MYCBP2: variants seen among roughly 807,000 people sequenced by gnomAD.
The protein encoded by MYCBP2 is MYC binding protein 2.
Under a neutral mutation model 525.3 loss-of-function variants are expected in MYCBP2, and 120 were observed. The observed-to-expected ratio is 0.23, with a 90% confidence interval of 0.20 to 0.27. MYCBP2 has a LOEUF of 0.27. Ranked by LOEUF, MYCBP2 falls within the 10% of genes least tolerant of loss-of-function variation. MYCBP2 has a pLI of 1.00. For missense variants in MYCBP2, 4,149 were observed against 5,657.1 expected (o/e 0.73, Z 8.55); for synonymous variants, 1,894 against 1,955.8 (o/e 0.97, Z 0.83).
rs780085440 is a variant in MYCBP2 at position 77,097,485 on chromosome 13, C to A, written c.9669G>T (p.Leu3223Phe). ...EKAEVRPRGNLFGEMAQLAVG... is the reference protein window; with the variant it reads ...EKAEVRPRGNFFGEMAQLAVG... ...CTGCCAGCTGGGCCATCTCTCCAAA[C>A]AAATTACCCCTGGGCCTAACTTCTG... The change falls in exon 56 of 83, where the codon TTG becomes TTT. Residue 3223 changes from leucine (L) to phenylalanine (F), a missense_variant. This residue lies in a region of MYCBP2 where 653 missense variants were observed against 744.7 expected (regional missense o/e 0.88). Coordinates refer to ENST00000544440, the MANE Select transcript of MYCBP2 (RefSeq NM_015057.5). 6.2e-7 allele frequency: 1 copy of A among 1,613,336 alleles called. No individual in the cohort carries two copies. The highest frequency in any genetic ancestry group is 1.1e-5 in the South Asian group (1 of 91,054).
chr13:77,098,593 C>T lies in MYCBP2; in HGVS notation c.8561G>A (p.Ser2854Asn). 1 of 1,613,680 alleles carries T rather than the reference C, an allele frequency of 6.2e-7. No individual in the cohort carries two copies. Among genetic ancestry groups the T allele is most frequent in the Non-Finnish European group, 8.5e-7 (1 of 1,179,784 alleles). The change falls in exon 56 of 83, where the codon AGT becomes AAT. Residue 2854 changes from serine (S) to asparagine (N), a missense_variant. Around this residue, in one of 21 missense-constraint regions of MYCBP2, gnomAD observed 653 missense variants for 744.7 expected, o/e 0.88. Coordinates refer to ENST00000544440, the MANE Select transcript of MYCBP2 (RefSeq NM_015057.5). ...AAGCTTTGTCTTAACAGGAGCAGTACTTTTTTGAGGTAGATTTTTATCATG... is the reference window on the plus strand; with the variant it reads ...AAGCTTTGTCTTAACAGGAGCAGTATTTTTTTGAGGTAGATTTTTATCATG... The part of the protein sequence containing the change: ...SPHDKNLPQK[S>N]TAPVKTKLDP...
intron 46 of MYCBP2, among the ~76,000 whole-genome samples, 167 bp downstream of exon 46, chr13:77,155,891 C>T (rs2057158047): frequency 6.6e-6 from 1 of 152,110 alleles, no homozygotes; most frequent in Non-Finnish European, 1.5e-5. Context: ...AACTTGGACA[C>T]TTGGGGACTA....
intron 53 of MYCBP2, among the ~76,000 whole-genome samples, chr13:77,125,863 CA>C (rs1000790705): frequency 1.3e-5 from 2 of 152,112 alleles, no homozygotes; most frequent in Non-Finnish European, 1.5e-5. Context: ...TAGCATGACA[CA>C]CTACATCTTC....
intron 15 of MYCBP2, among the ~76,000 whole-genome samples, chr13:77,245,067 G>A (rs954244188): frequency 4.6e-5 from 7 of 152,126 alleles, no homozygotes; most frequent in African/African-American, 1.7e-4. Flanking sequence ...AACATGTCAC[G>A]CCAGTTACAA....
At chr13:77,064,574 C>T (rs1253159693) in intron 73 of MYCBP2, 41 bp downstream of exon 73, 6 of 1,546,356 alleles carry the variant, frequency 3.9e-6, no homozygotes, top group South Asian at 3.6e-5. Context: ...CGCAATGATA[C>T]ACACCAAATT....
intron 8 of MYCBP2, among the ~76,000 whole-genome samples, chr13:77,264,769 G>C (rs1458257312): frequency 6.6e-6 from 1 of 152,004 alleles, no homozygotes; most frequent in Non-Finnish European, 1.5e-5. Flanking sequence ...ACACGTGTTA[G>C]TGATTGCTAC....
In MYCBP2 at chr13:77,245,309, C is replaced by T. The variant is rs556785056; in HGVS notation, c.2382-1358G>A. 2.2e-4 allele frequency among the ~76,000 whole-genome samples: 33 copies of T among 152,088 alleles called. No homozygotes were observed. In the South Asian group the frequency reaches 3.1e-3, roughly 14 times the overall value. On this transcript the variant is annotated intron_variant, in intron 15 of 82. Transcript: ENST00000544440. ...TACTACAAAGACACATGTACATGTA[C>T]GTTTATTTCATCATTATTCACAATA...
intron 55 of MYCBP2, among the ~76,000 whole-genome samples, chr13:77,101,742 A>G (rs1445426014): frequency 1.3e-5 from 2 of 152,044 alleles, no homozygotes; most frequent in African/African-American, 2.4e-5. Context: ...TTATTTTTCC[A>G]AAACGTATTT....
chr13:77,157,213 G>A (rs2057316306), intron 45 of MYCBP2, among the ~76,000 whole-genome samples: 1 of 152,156 alleles, frequency 6.6e-6, no homozygotes, highest in Non-Finnish European at 1.5e-5. Flanking sequence ...AAGAAGCTGG[G>A]ACTACAGGTG....
intron 73 of MYCBP2, 68 bp downstream of exon 73, chr13:77,064,547 A>G: frequency 2.0e-6 from 3 of 1,471,040 alleles, no homozygotes; most frequent in Non-Finnish European, 2.7e-6. Flanking sequence ...GTTTAAATCT[A>G]TTACTAAAAA....
At chr13:77,049,100 T>C (rs979793842) in intron 82 of MYCBP2, among the ~76,000 whole-genome samples, 7 of 152,248 alleles carry the variant, frequency 4.6e-5, no homozygotes, top group East Asian at 1.9e-4. Flanking sequence ...CATTCAATAA[T>C]TGCCCTTCCT....
chr13:77,219,711 T>C (rs755448454), intron 20 of MYCBP2, among the ~76,000 whole-genome samples: 1 of 152,000 alleles, frequency 6.6e-6, no homozygotes, highest in Non-Finnish European at 1.5e-5. Flanking sequence ...TCTGTTGCAA[T>C]GTACATGGAG....
intron 68 of MYCBP2, chr13:77,076,229 T>C (rs1010295142): frequency 6.6e-6 from 1 of 152,186 alleles, no homozygotes; most frequent in Non-Finnish European, 1.5e-5. Flanking sequence ...AAAGACAAAT[T>C]AGACATGGAC....
chr13:77,098,748 C>G lies in MYCBP2; in HGVS notation c.8406G>C (p.Gly2802=), dbSNP rs369585749. ...CAGCTCTGGAGCTAGAAGGCATCCT[C>G]CCATCAGATTTCAATGTCTGCAAGG... ...HNTLQTLKSD[G]RMPSSSRAES... The change falls in exon 56 of 83, where the codon GGG becomes GGC. Residue 2802 remains glycine (G), a synonymous_variant. Transcript: ENST00000544440. The G allele has an allele frequency of 1.2e-6, 2 of 1,613,464 alleles. No individual in the cohort carries two copies. The highest frequency in any genetic ancestry group is 2.2e-5 in the South Asian group (2 of 91,054).
At chr13:77,284,060 C>G (rs373670146) in intron 3 of MYCBP2, among the ~76,000 whole-genome samples, 1 of 152,008 alleles carries the variant, frequency 6.6e-6, no homozygotes, top group Non-Finnish European at 1.5e-5. Flanking sequence ...GATTACTGAT[C>G]CGCAAAACAC....
intron 52 of MYCBP2, among the ~76,000 whole-genome samples, chr13:77,132,253 C>G (rs2154173953): frequency 6.6e-6 from 1 of 152,090 alleles, no homozygotes; most frequent in South Asian, 2.1e-4. Flanking sequence ...ATCAGGAAAT[C>G]TGGGGTATGT....
chr13:77,313,926 A>T (rs1316067265), intron 1 of MYCBP2, among the ~76,000 whole-genome samples: 1 of 152,128 alleles, frequency 6.6e-6, no homozygotes, highest in Admixed American at 6.6e-5. Flanking sequence ...ATCATATGTC[A>T]TCAGAGAAAT....
intron 80 of MYCBP2, among the ~76,000 whole-genome samples, chr13:77,055,252 G>A (rs2037711353): frequency 6.6e-6 from 1 of 152,162 alleles, no homozygotes; most frequent in Non-Finnish European, 1.5e-5. Context: ...ATGGTTAGCA[G>A]AGTCAAGTGA....
chr13:77,190,742 T>C (rs1183306551), intron 28 of MYCBP2, among the ~76,000 whole-genome samples: 5 of 152,202 alleles, frequency 3.3e-5, no homozygotes, highest in African/African-American at 9.6e-5. Flanking sequence ...GTCAAAGTAG[T>C]CACTTAGTTC....
Sources: allele counts gnomAD v4.1 joint callset (sites outside exome capture counted in the v4.1 genomes callset), GRCh38; gene constraint gnomAD v4.1.1; regional missense constraint gnomAD v4.1.1; transcripts MANE v1.5; gene names NCBI Gene and HGNC (gene_info 2026-07-23, HGNC 2026-07-21).